Variants in TFRC observed in about 807,000 individuals in gnomAD.
The protein encoded by TFRC is transferrin receptor, also known as transferrin receptor protein 1.
A neutral mutation model predicts 85.8 loss-of-function variants in TFRC; 35 were observed. The ratio of observed to expected loss-of-function variants is 0.41; its 90% CI spans 0.31 to 0.54. TFRC has a LOEUF of 0.54. TFRC is among the 20% of genes least tolerant of loss of function. The pLI, the probability that TFRC is intolerant of heterozygous loss-of-function variation, is 0.31. For synonymous variants in TFRC, 362 were observed against 328.6 expected (o/e 1.10, Z -1.10); for missense variants, 828 against 921.5 (o/e 0.90, Z 1.31).
intron 16 of TFRC, chr3:196,055,616 T>C (rs376291887): frequency 5.1e-5 from 20 of 392,494 alleles, no homozygotes; most frequent in African/African-American, 2.8e-4. Flanking sequence ...TCTGGGAAGT[T>C]TGGGCCTTTA....
In TFRC at chr3:196,077,129, A is replaced by T; in HGVS notation, c.-23-7T>A. ...AACTGCCACACAGAAGAACCTAGGT[A>T]TCAGAATAGAGAATTATTGAGAAAG... On this transcript the variant is annotated splice_polypyrimidine_tract_variant and splice_region_variant and intron_variant, in intron 1 of 18. Transcript: ENST00000360110. 1.2e-6 allele frequency: 2 copies of T among 1,607,982 alleles called. No homozygotes were observed. Among genetic ancestry groups the T allele is most frequent in the Non-Finnish European group, 1.7e-6 (2 of 1,174,894 alleles).
At chr3:196,055,372 C>T (rs1367579656) in intron 16 of TFRC, 71 bp from the exon 17 acceptor site, 2 of 1,347,650 alleles carry the variant, frequency 1.5e-6, no homozygotes, top group Middle Eastern at 1.8e-4. Context: ...CTGGCTTCGC[C>T]ATCGAGGTAA....
chr3:196,052,022 A>C lies in TFRC; in HGVS notation c.2203T>G (p.Leu735Val), dbSNP rs1716350949. The change falls in exon 19 of 19, where the codon TTG becomes GTG. Residue 735 changes from leucine (L) to valine (V), a missense_variant. Physicochemically the swap from Leu to Val is conservative, Grantham distance 32. Transcript: ENST00000360110. ...TGAATAGTCCAAGTAGCTAGAGCCAACTGGTTTCTGAACAGCGTTTCATTA... is the reference window on the plus strand; with the variant it reads ...TGAATAGTCCAAGTAGCTAGAGCCACCTGGTTTCTGAACAGCGTTTCATTA... ...AFNETLFRNQ[L>V]ALATWTIQGA... The C allele has an allele frequency of 1.2e-6, 2 of 1,614,220 alleles. No homozygotes were observed. Among genetic ancestry groups the C allele is most frequent in the African/African-American group, 2.7e-5 (2 of 75,060 alleles).
chr3:196,072,289 C>A, intron 4 of TFRC, 137 bp from the exon 5 acceptor site: 1 of 1,179,926 alleles, frequency 8.5e-7, no homozygotes, highest in Non-Finnish European at 1.2e-6. Context: ...CCCAAAACTT[C>A]TAGACTGACC....
chr3:196,074,304 C>G (rs1718472961), intron 3 of TFRC, 179 bp from the exon 4 acceptor site: 1 of 496,246 alleles, frequency 2.0e-6, no homozygotes, highest in East Asian at 3.4e-5. Flanking sequence ...AAATTATATA[C>G]TAGCTTTATT....
rs9859260 is a variant in TFRC at position 196,073,676 on chromosome 3, C to T, written c.434+254G>A. Among the ~76,000 whole-genome samples the T allele has an allele frequency of 0.48, 73,074 of 151,918 alleles. 19,356 individuals carry two copies. The highest frequency in any genetic ancestry group is 0.61 in the Non-Finnish European group (41,312 of 67,928). ...CCAGAGAATGACAGCAAGCAATAAGCTACAAAGATGGGGAAAACATCAAGG... is the reference window on the plus strand; with the variant it reads ...CCAGAGAATGACAGCAAGCAATAAGTTACAAAGATGGGGAAAACATCAAGG... On this transcript the variant is annotated intron_variant, in intron 4 of 18. Transcript: ENST00000360110.
chr3:196,062,942 G>T lies in TFRC; in HGVS notation c.1319-3C>A, dbSNP rs1315620819. 1.2e-6 allele frequency: 2 copies of T among 1,613,454 alleles called. No individual in the cohort carries two copies. Among genetic ancestry groups the T allele is most frequent in the African/African-American group, 2.7e-5 (2 of 74,864 alleles). On this transcript the variant is annotated splice_region_variant and splice_polypyrimidine_tract_variant and intron_variant, in intron 11 of 18. Transcript: ENST00000360110. The stretch of plus-strand genomic sequence containing the variant: ...GCTTCTGCTGGGCTGAAACCCATCT[G>T]AAAGAGAAAAAAGTTAGCTTTACCT...
chr3:196,054,972 T>C (rs1716647314), intron 17 of TFRC, 108 bp downstream of exon 17: 1 of 1,119,176 alleles, frequency 8.9e-7, no homozygotes, highest in Admixed American at 1.8e-5. Context: ...CACTTTAAAA[T>C]GTACTATGGC....
chr3:196,072,737 T>C (rs1718316517), intron 4 of TFRC: 3 of 147,170 alleles, frequency 2.0e-5, no homozygotes, highest in Non-Finnish European at 3.0e-5. Context: ...ACTGTAAGTG[T>C]AGGAAGCTTG....
At position 196,058,457 on chromosome 3, in the gene TFRC, C is replaced by T. The variant is rs13088791; in HGVS notation, c.1596-92G>A. 69,899 of 1,480,444 alleles carry T rather than the reference C, an allele frequency of 0.047. 1,995 individuals are homozygous for T. The highest frequency in any genetic ancestry group is 0.099 in the South Asian group (8,394 of 84,746). The allele number at this position is 1,480,444 out of a possible 1,614,324, so 91.7% of individuals were successfully genotyped here. On this transcript the variant is annotated intron_variant, in intron 15 of 18. Transcript: ENST00000360110. ...CCCCCATCCAAAATAAATTCTTTAG[C>T]TGAATATCTTTAGGTGTAAGTAAGT...
chr3:196,055,045 A>G (rs1284095540), intron 17 of TFRC, 35 bp downstream of exon 17: 4 of 1,593,322 alleles, frequency 2.5e-6, no homozygotes, highest in Non-Finnish European at 2.6e-6. Context: ...CTTGACATTC[A>G]GCAAAATAAA....
rs555032802 is a variant in TFRC, at chr3:196,051,490, G to C, written c.*452C>G. 3.1e-5 allele frequency: 7 copies of C among 224,436 alleles called. No individual in the cohort carries two copies. The East Asian group carries it at 4.6e-4, about 15-fold the overall frequency. 13.9% of individuals were successfully genotyped at this position (224,436 alleles called of 1,614,324 possible). A position where few individuals can be genotyped will look rare whatever the true frequency, so the allele number is the denominator to read the frequency against. The stretch of plus-strand genomic sequence containing the variant: ...AACCAGCTACATTCCTTATGGAAAG[G>C]CTTAGATCTCATTTGGAGAAGGTCT... On this transcript the variant is annotated 3_prime_UTR_variant, in exon 19 of 19. Coordinates refer to ENST00000360110, the MANE Select transcript of TFRC (RefSeq NM_001128148.3).
intron 4 of TFRC, among the ~76,000 whole-genome samples, chr3:196,073,662 C>G (rs1718416715): frequency 1.3e-5 from 2 of 152,288 alleles, no homozygotes; most frequent in South Asian, 2.1e-4. Context: ...CAGAGAATGA[C>G]AGCAAGCAAT....
chr3:196,058,719 T>C (rs999015008), intron 14 of TFRC, 87 bp from the exon 15 acceptor site: 6 of 864,486 alleles, frequency 6.9e-6, no homozygotes, highest in Non-Finnish European at 1.0e-5. Context: ...TATAACAATT[T>C]TTAAATAAAA....
chr3:196,076,765 T>C (rs1262058659), intron 2 of TFRC, among the ~76,000 whole-genome samples: 2 of 152,114 alleles, frequency 1.3e-5, no homozygotes, highest in African/African-American at 2.4e-5. Flanking sequence ...CGCAAGCCTT[T>C]GCTTTTTACT....
At chr3:196,059,610 A>T (rs1307659004) in intron 14 of TFRC, among the ~76,000 whole-genome samples, 7 of 151,398 alleles carry the variant, frequency 4.6e-5, no homozygotes, top group African/African-American at 7.3e-5. Context: ...TTATTTATTT[A>T]TTTATTTTTT....
chr3:196,053,576 C>A lies in TFRC; in HGVS notation c.1900-18G>T, dbSNP rs767665648. On this transcript the variant is annotated intron_variant, in intron 17 of 18. Transcript: ENST00000360110. Reference sequence around the variant, plus strand: ...CCCATTTCCTGAAACAGACATTATTCGCTATGAGAAGTTTTATTTCTAAGG... The same window carrying A: ...CCCATTTCCTGAAACAGACATTATTAGCTATGAGAAGTTTTATTTCTAAGG... 1 of 1,612,712 alleles carries A rather than the reference C, an allele frequency of 6.2e-7. No homozygotes were observed. The highest frequency in any genetic ancestry group is 1.3e-5 in the African/African-American group (1 of 74,866).
At chr3:196,057,307 T>C (rs943321188) in intron 16 of TFRC, among the ~76,000 whole-genome samples, 3 of 152,276 alleles carry the variant, frequency 2.0e-5, no homozygotes, top group Non-Finnish European at 4.4e-5. Flanking sequence ...TTCTGTTCTG[T>C]TCTAATTACC....
intron 16 of TFRC, among the ~76,000 whole-genome samples, chr3:196,056,437 T>C (rs892034024): frequency 1.3e-5 from 2 of 152,212 alleles, no homozygotes; most frequent in African/African-American, 2.4e-5. Flanking sequence ...TCTTGCTCTG[T>C]TGCCCAGGCT....
Sources: gnomAD v4.1 joint callset for allele counts (sites outside exome capture counted in the v4.1 genomes callset) on GRCh38, gnomAD v4.1.1 for gene constraint, MANE v1.5 for transcripts, NCBI Gene and HGNC (gene_info 2026-07-23, HGNC 2026-07-21) for gene names.